TRIM24: variants seen among roughly 807,000 people sequenced by gnomAD.
TRIM24 encodes transcription intermediary factor 1-alpha.
TRIM24 carries 29 observed loss-of-function variants against 123.9 expected under a neutral mutation model. The ratio of observed to expected loss-of-function variants is 0.23; its 90% CI spans 0.17 to 0.32. The LOEUF (loss-of-function observed/expected upper bound fraction) is 0.32, where lower values mean the gene tolerates loss of function less well. Among genes scored for constraint, TRIM24 ranks in the 10% least tolerant of loss-of-function variants. The pLI is 1.00. For synonymous variants in TRIM24, 456 were observed against 461.1 expected (o/e 0.99, Z 0.14); for missense variants, 932 against 1,295.3 (o/e 0.72, Z 4.31).
intron 1 of TRIM24, among the ~76,000 whole-genome samples, chr7:138,497,554 A>G (rs565634792): frequency 6.6e-6 from 1 of 150,962 alleles, no homozygotes; most frequent in African/African-American, 2.4e-5. Context: ...ACCACCATGT[A>G]CAGCTAATTT....
chr7:138,557,411 C>T (rs1016855808), intron 9 of TRIM24, among the ~76,000 whole-genome samples: 7 of 152,116 alleles, frequency 4.6e-5, no homozygotes, highest in African/African-American at 1.4e-4. Flanking sequence ...GAGCCATTAG[C>T]TGAGTGGTAG....
intron 10 of TRIM24, among the ~76,000 whole-genome samples, chr7:138,570,546 T>C (rs2116669953): frequency 6.6e-6 from 1 of 152,318 alleles, no homozygotes; most frequent in South Asian, 2.1e-4. Context: ...TACATTTTTT[T>C]TCCAATATGT....
At chr7:138,470,525 T>A (rs530353505) in intron 1 of TRIM24, among the ~76,000 whole-genome samples, 66 of 152,350 alleles carry the variant, frequency 4.3e-4, no homozygotes, top group South Asian at 1.4e-3. Flanking sequence ...GGTAGGCCAT[T>A]ACCAGGCCTC....
Position 138,460,628 on chromosome 7 carries a change from C to G in TRIM24, c.80C>G (p.Pro27Arg). 1 of 1,424,522 alleles carries G rather than the reference C, an allele frequency of 7.0e-7. No homozygotes were observed. The allele number at this position is 1,424,522 out of a possible 1,614,324, so 88.2% of individuals were successfully genotyped here. The change falls in exon 1 of 19, where the codon CCG (proline) becomes CGG (arginine). Residue 27 changes from proline (P) to arginine (R), a missense_variant. Physicochemically the swap from Pro to Arg is moderately radical, Grantham distance 103. Transcript: ENST00000343526. The stretch of plus-strand genomic sequence containing the variant: ...GCCTCCGGGGGGCCCTCGGCGGCGC[C>G]GAGCGGGGAGAACGAGGCCGAGAGT... ...AAASGGPSAA[P>R]SGENEAESRQ...
intron 1 of TRIM24, among the ~76,000 whole-genome samples, chr7:138,498,041 G>A (rs980891482): frequency 6.7e-6 from 1 of 149,932 alleles, no homozygotes; most frequent in African/African-American, 2.5e-5. Flanking sequence ...TATTTTTTGA[G>A]ACAGGGTCTC....
chr7:138,583,428 T>G (rs1369026116), intron 17 of TRIM24, among the ~76,000 whole-genome samples: 3 of 152,176 alleles, frequency 2.0e-5, no homozygotes, highest in African/African-American at 7.2e-5. Flanking sequence ...GAGACCAGCC[T>G]GGGCAACATG....
intron 4 of TRIM24, among the ~76,000 whole-genome samples, chr7:138,522,229 G>A (rs1008186583): frequency 6.6e-6 from 1 of 151,972 alleles, no homozygotes; most frequent in Non-Finnish European, 1.5e-5. Context: ...CCAGCTACTC[G>A]GGAGGCTTAG....
intron 11 of TRIM24, among the ~76,000 whole-genome samples, chr7:138,571,677 A>G (rs1797659640): frequency 6.6e-6 from 1 of 152,106 alleles, no homozygotes; most frequent in Non-Finnish European, 1.5e-5. Flanking sequence ...ATGTAAATTA[A>G]CTCACTCTCC....
chr7:138,492,293 AAAAAAG>A (rs1288034010), intron 1 of TRIM24, among the ~76,000 whole-genome samples: 3 of 151,274 alleles, frequency 2.0e-5, no homozygotes, highest in African/African-American at 7.3e-5. Context: ...AAAAAAAAAA[AAAAAAG>A]GGAAAGAAAA....
At chr7:138,527,541 C>T (rs1796634998) in intron 5 of TRIM24, among the ~76,000 whole-genome samples, 1 of 152,120 alleles carries the variant, frequency 6.6e-6, no homozygotes, top group African/African-American at 2.4e-5. Context: ...GCTTCTCAGG[C>T]TTATCTGGTT....
Position 138,554,994 on chromosome 7 carries a change from C to T in TRIM24, c.1530+28C>T, listed in dbSNP as rs1797286703. On this transcript the variant is annotated intron_variant, in intron 9 of 18. Coordinates refer to ENST00000343526, the MANE Select transcript of TRIM24 (RefSeq NM_015905.3). The surrounding 1 kb of genome is among the most constrained non-coding windows in gnomAD (Gnocchi z 4.5). ...AAATTTGGAAGCAGGCCTGTCCTCA[C>T]TTAGATAATTATAGTATAATTGTGT... is the stretch of plus-strand genomic sequence containing the variant. 1 of 1,604,846 alleles carries T rather than the reference C, an allele frequency of 6.2e-7. No homozygotes were observed. The highest frequency in any genetic ancestry group is 8.5e-7 in the Non-Finnish European group (1 of 1,173,860).
At chr7:138,518,431 C>T (rs1362058945) in intron 3 of TRIM24, among the ~76,000 whole-genome samples, 1 of 152,090 alleles carries the variant, frequency 6.6e-6, no homozygotes, top group Non-Finnish European at 1.5e-5. Context: ...CTGCGGTTTA[C>T]TATTTAACCA....
chr7:138,550,884 G>A (rs571850590), intron 7 of TRIM24, among the ~76,000 whole-genome samples, 179 bp from the exon 8 acceptor site: 4 of 152,252 alleles, frequency 2.6e-5, no homozygotes, highest in African/African-American at 9.6e-5. Flanking sequence ...GTGCAGCTGA[G>A]TTACGCCTCA....
At chr7:138,527,512 G>C (rs1234820814) in intron 5 of TRIM24, among the ~76,000 whole-genome samples, 1 of 152,056 alleles carries the variant, frequency 6.6e-6, no homozygotes, top group East Asian at 1.9e-4. Flanking sequence ...ATATTTAAAT[G>C]ACTTTTTTGA....
chr7:138,557,880 A>G, intron 9 of TRIM24, among the ~76,000 whole-genome samples: 1 of 152,220 alleles, frequency 6.6e-6, no homozygotes, highest in East Asian at 1.9e-4. Context: ...GCATGTAAAT[A>G]GAGGTACAGT....
At chr7:138,508,123 T>G (rs988097192) in intron 2 of TRIM24, among the ~76,000 whole-genome samples, 1 of 152,214 alleles carries the variant, frequency 6.6e-6, no homozygotes, top group Non-Finnish European at 1.5e-5. Flanking sequence ...GTTACCCCTT[T>G]GCTTCACTTG....
intron 1 of TRIM24, among the ~76,000 whole-genome samples, chr7:138,489,743 TG>T (rs1345854234): frequency 6.6e-6 from 1 of 152,166 alleles, no homozygotes; most frequent in East Asian, 1.9e-4. Context: ...CTTCCCTTTG[TG>T]GGTAGGTAAC....
chr7:138,559,462 GTAT>G (rs1166656215), intron 9 of TRIM24, among the ~76,000 whole-genome samples: 21 of 152,258 alleles, frequency 1.4e-4, no homozygotes, highest in South Asian at 1.2e-3. Flanking sequence ...AAAACAATTA[GTAT>G]TATAAGGAAA....
chr7:138,508,692 T>TGTGCGCGCTCGCGC (rs1422176564), intron 2 of TRIM24, among the ~76,000 whole-genome samples: 1 of 137,214 alleles, frequency 7.3e-6, no homozygotes, highest in Admixed American at 7.2e-5. Context: ...TGTGTGTGTG[T>TGTGCGCGCTCGCGC]GCGCGCGCGT....
Sources: allele counts gnomAD v4.1 joint callset (sites outside exome capture counted in the v4.1 genomes callset), GRCh38; gene constraint gnomAD v4.1.1; non-coding constraint Gnocchi (gnomAD v3.1); transcripts MANE v1.5; gene names NCBI Gene and HGNC (gene_info 2026-07-23, HGNC 2026-07-21).